IL12RB2: variants seen among roughly 807,000 people sequenced by gnomAD.
IL12RB2 encodes interleukin-12 receptor subunit beta-2.
A neutral mutation model predicts 89.4 loss-of-function variants in IL12RB2; 82 were observed. The ratio of observed to expected loss-of-function variants is 0.92; its 90% CI spans 0.77 to 1.10. IL12RB2 has a LOEUF of 1.10. Ranked by LOEUF, IL12RB2 falls within the 50% of genes least tolerant of loss-of-function variation. The pLI is 0.00. For missense variants in IL12RB2, 963 were observed against 1,031.9 expected (o/e 0.93, Z 0.92); for synonymous variants, 368 against 370.1 (o/e 0.99, Z 0.07).
At chr1:67,330,575 G>GGT (rs1553311372) in intron 7 of IL12RB2, 85 bp from the exon 8 acceptor site, 3,968 of 616,406 alleles carry the variant, frequency 6.4e-3, no homozygotes, top group East Asian at 0.018. Context: ...AATAGCCTGG[G>GGT]TTTTTTTTTT....
intron 15 of IL12RB2, 73 bp from the exon 16 acceptor site, chr1:67,389,956 T>G: frequency 2.4e-6 from 2 of 822,370 alleles, no homozygotes; most frequent in Non-Finnish European, 4.3e-6. Flanking sequence ...CTGAAGTTAC[T>G]GCACTGAGAA....
At chr1:67,370,177 A>G (rs959477149) in intron 11 of IL12RB2, among the ~76,000 whole-genome samples, 1 of 152,162 alleles carries the variant, frequency 6.6e-6, no homozygotes, top group Non-Finnish European at 1.5e-5. Context: ...GTTATTATTA[A>G]TTCAAAATGG....
intron 10 of IL12RB2, among the ~76,000 whole-genome samples, chr1:67,364,434 TG>T (rs1254401708): frequency 6.6e-6 from 1 of 151,904 alleles, no homozygotes; most frequent in African/African-American, 2.4e-5. Flanking sequence ...ATAGAGCAAA[TG>T]TAAAGAGATA....
intron 9 of IL12RB2, among the ~76,000 whole-genome samples, chr1:67,350,041 G>A (rs757502436): frequency 6.6e-6 from 1 of 152,192 alleles, no homozygotes; most frequent in Non-Finnish European, 1.5e-5. Context: ...CACAGCCGGA[G>A]GCCCCCCACC....
At chr1:67,344,760 C>T (rs1187927538) in intron 9 of IL12RB2, among the ~76,000 whole-genome samples, 2 of 152,184 alleles carry the variant, frequency 1.3e-5, no homozygotes, top group African/African-American at 4.8e-5. Context: ...AGACTTCACC[C>T]TCCAGACAGT....
chr1:67,396,454 G>T lies in IL12RB2; in HGVS notation c.*365G>T, dbSNP rs1000419235. The T allele has an allele frequency of 1.3e-5, 5 of 374,556 alleles. No individual in the cohort carries two copies. The highest frequency in any genetic ancestry group is 2.6e-5 in the Non-Finnish European group (5 of 195,574). The allele number at this position is 374,556 out of a possible 1,614,324, so 23.2% of individuals were successfully genotyped here. A position where few individuals can be genotyped will look rare whatever the true frequency, so the allele number is the denominator to read the frequency against. On this transcript the variant is annotated 3_prime_UTR_variant, in exon 17 of 17. Transcript: ENST00000674203. ...CAGTCTAGAGGACCATTCATGCAAT[G>T]ACTATTTCTAAAGCACCTGCTACAC...
At chr1:67,360,028 C>T (rs980423312) in intron 10 of IL12RB2, among the ~76,000 whole-genome samples, 31 of 152,048 alleles carry the variant, frequency 2.0e-4, no homozygotes, top group Non-Finnish European at 4.3e-4. Flanking sequence ...AGGCTCAGAA[C>T]GGACAAATCT....
Position 67,396,996 on chromosome 1 carries a change from G to T in IL12RB2, c.*907G>T, listed in dbSNP as rs1666409497. The T allele has an allele frequency of 6.6e-6, 1 of 152,022 alleles. No homozygotes were observed. The highest frequency in any genetic ancestry group is 2.4e-5 in the African/African-American group (1 of 41,322). 9.4% of individuals were successfully genotyped at this position (152,022 alleles called of 1,614,324 possible). Reference sequence around the variant, plus strand: ...AAATATTTTTAAAAAAAATTAACTGGGCGTGATGGCGGGCGCCTGTAGTCC... The same window carrying T: ...AAATATTTTTAAAAAAAATTAACTGTGCGTGATGGCGGGCGCCTGTAGTCC... On this transcript the variant is annotated 3_prime_UTR_variant, in exon 17 of 17. Coordinates refer to ENST00000674203, the MANE Select transcript of IL12RB2 (RefSeq NM_001374259.2).
chr1:67,330,592 T>G, intron 7 of IL12RB2, 68 bp from the exon 8 acceptor site: 1 of 804,666 alleles, frequency 1.2e-6, no homozygotes, highest in South Asian at 1.5e-5. Flanking sequence ...TTTTTTCATT[T>G]TATGTTAAAA....
chr1:67,329,631 G>T lies in IL12RB2; in HGVS notation c.709G>T (p.Ala237Ser), dbSNP rs777500826. ...PWDIRIKFQK[A>S]SVSRCTLYWR... Reference sequence around the variant, plus strand: ...GGACATTAGAATCAAATTTCAAAAGGCTTCTGTGAGCAGATGTACCCTTTA... The same window carrying T: ...GGACATTAGAATCAAATTTCAAAAGTCTTCTGTGAGCAGATGTACCCTTTA... The change falls in exon 7 of 17, where the codon GCT becomes TCT. Residue 237 changes from alanine (A) to serine (S), a missense_variant. Physicochemically the swap from Ala to Ser is moderately conservative, Grantham distance 99. Coordinates refer to ENST00000674203, the MANE Select transcript of IL12RB2 (RefSeq NM_001374259.2). The T allele has an allele frequency of 6.3e-7, 1 of 1,577,126 alleles. No homozygotes were observed. Among genetic ancestry groups the T allele is most frequent in the Non-Finnish European group, 8.7e-7 (1 of 1,146,216 alleles).
At position 67,379,961 on chromosome 1, in the gene IL12RB2, CTTTCTTCCT is replaced by C; in HGVS notation, c.1718-22_1718-14del. 6.4e-7 allele frequency: 1 copy of C among 1,565,658 alleles called. No individual in the cohort carries two copies. The highest frequency in any genetic ancestry group is 8.8e-7 in the Non-Finnish European group (1 of 1,136,392). ...AAAAGCCATATCCTTTAATACATGCCTTTCTTCCTTTATCTTCCTTTCAGAAATTCCCTA... is the reference window on the plus strand; with the variant it reads ...AAAAGCCATATCCTTTAATACATGCCTTATCTTCCTTTCAGAAATTCCCTA... On this transcript the variant is annotated splice_polypyrimidine_tract_variant and intron_variant, in intron 13 of 16. Transcript: ENST00000674203.
intron 9 of IL12RB2, among the ~76,000 whole-genome samples, chr1:67,345,164 C>T (rs1660078061): frequency 6.6e-6 from 1 of 151,876 alleles, no homozygotes; most frequent in Non-Finnish European, 1.5e-5. Context: ...TGTGAGACTC[C>T]ATTTCAAAAA....
chr1:67,348,682 A>C (rs1237271758), intron 9 of IL12RB2, among the ~76,000 whole-genome samples: 2 of 150,598 alleles, frequency 1.3e-5, no homozygotes, highest in Non-Finnish European at 3.0e-5. Context: ...AAAAAAAAAA[A>C]CCCTGAACTG....
chr1:67,308,772 C>T (rs1328324110), intron 1 of IL12RB2, among the ~76,000 whole-genome samples: 2 of 152,178 alleles, frequency 1.3e-5, no homozygotes, highest in African/African-American at 4.8e-5. Flanking sequence ...GTAATCCCAG[C>T]ATTTTGGGAG....
chr1:67,376,964 T>C (rs866621068), intron 13 of IL12RB2, among the ~76,000 whole-genome samples: 10 of 152,236 alleles, frequency 6.6e-5, no homozygotes, highest in South Asian at 4.1e-4. Context: ...CTTAAGTCTA[T>C]GCAAGCAATC....
intron 1 of IL12RB2, among the ~76,000 whole-genome samples, chr1:67,308,983 G>A (rs527338692): frequency 6.6e-6 from 1 of 151,896 alleles, no homozygotes; most frequent in Non-Finnish European, 1.5e-5. Flanking sequence ...TGGGGCCACT[G>A]CACTCCAACC....
intron 8 of IL12RB2, among the ~76,000 whole-genome samples, chr1:67,336,580 GAGAAA>G (rs1658789565): frequency 1.3e-5 from 2 of 152,072 alleles, no homozygotes; most frequent in African/African-American, 4.8e-5. Flanking sequence ...CTGCAAAGGA[GAGAAA>G]AGAAAAGAAG....
intron 16 of IL12RB2, among the ~76,000 whole-genome samples, chr1:67,395,071 C>G (rs1000754429): frequency 3.3e-5 from 5 of 152,026 alleles, no homozygotes; most frequent in Non-Finnish European, 7.4e-5. Context: ...AGTTCGAGAC[C>G]AGCCTGGCCA....
At chr1:67,323,916 T>A (rs971888244) in intron 4 of IL12RB2, among the ~76,000 whole-genome samples, 1 of 152,044 alleles carries the variant, frequency 6.6e-6, no homozygotes, top group East Asian at 1.9e-4. Context: ...CCAAGAGAGA[T>A]CCTCAAGCAG....
Sources: gnomAD v4.1 joint callset for allele counts (sites outside exome capture counted in the v4.1 genomes callset) on GRCh38, gnomAD v4.1.1 for gene constraint, MANE v1.5 for transcripts, NCBI Gene and HGNC (gene_info 2026-07-23, HGNC 2026-07-21) for gene names.